Variants in STRA6 observed in about 807,000 individuals in gnomAD.
The protein encoded by STRA6 is receptor for retinol uptake STRA6.
STRA6 carries 48 observed loss-of-function variants against 83.6 expected under a neutral mutation model. The ratio of observed to expected loss-of-function variants is 0.57; its 90% CI spans 0.46 to 0.73. STRA6 has a LOEUF of 0.73. STRA6 is among the 30% of genes least tolerant of loss of function. STRA6 has a pLI of 0.00. For missense variants in STRA6, 760 were observed against 838.8 expected (o/e 0.91, Z 1.16); for synonymous variants, 353 against 362.3 (o/e 0.97, Z 0.29).
Position 74,195,623 on chromosome 15 carries a change from T to G in STRA6, c.430+29A>C, listed in dbSNP as rs191108350. 82 of 1,547,562 alleles carry G rather than the reference T, an allele frequency of 5.3e-5. No homozygotes were observed. In the African/African-American group the frequency reaches 9.4e-4, roughly 18 times the overall value. On this transcript the variant is annotated intron_variant, in intron 6 of 18. Transcript: ENST00000395105. The stretch of plus-strand genomic sequence containing the variant: ...AGGTTCAAATCCAGGCTCTGACTAG[T>G]CTCAACTCTGTGATCTTGGGCAAGT...
chr15:74,195,423 T>C lies in STRA6; in HGVS notation c.476A>G (p.Tyr159Cys), dbSNP rs771984983. 3.1e-6 allele frequency: 5 copies of C among 1,613,184 alleles called. 1 individual carries two copies. Reference protein sequence around the residue: ...LGLFYYAALYYPLAACATAGH... With the variant: ...LGLFYYAALYCPLAACATAGH... The stretch of plus-strand genomic sequence containing the variant: ...AGCCGTGGCACAGGCAGCCAGAGGG[T>C]AGTAGAGGGCAGCATAATAGAACAG... Residue 159 changes from tyrosine to cysteine, a missense_variant, in exon 7 of 19, where the codon TAC (tyrosine) becomes TGC (cysteine). Transcript: ENST00000395105.
At chr15:74,196,832 C>G (rs145703115) in intron 4 of STRA6, among the ~76,000 whole-genome samples, 11 of 152,368 alleles carry the variant, frequency 7.2e-5, no homozygotes, top group African/African-American at 2.6e-4. Context: ...GTCTCTCGCA[C>G]ACTAGCTTGC....
chr15:74,211,504 G>A (rs549371210), upstream of STRA6, among the ~76,000 whole-genome samples: 3 of 149,734 alleles, frequency 2.0e-5, no homozygotes, highest in East Asian at 4.1e-4. Context: ...GGGTTCAAGC[G>A]ATTCTCCTGC....
chr15:74,183,405 C>T (rs1595826094), intron 14 of STRA6: 3 of 618,268 alleles, frequency 4.9e-6, no homozygotes, highest in East Asian at 1.8e-4. Flanking sequence ...ACCACCATAC[C>T]CGGCTAATTT....
At chr15:74,204,526 C>T (rs2074212174), upstream of STRA6, among the ~76,000 whole-genome samples, 1 of 152,248 alleles carries the variant, frequency 6.6e-6, no homozygotes, top group Non-Finnish European at 1.5e-5. Flanking sequence ...GAGCAGCCAA[C>T]TCCCATCTGA....
At chr15:74,197,685 G>T in intron 3 of STRA6, 67 bp downstream of exon 3, 1 of 1,581,118 alleles carries the variant, frequency 6.3e-7, no homozygotes, top group South Asian at 1.1e-5. Context: ...CCCCAGTGGG[G>T]AACACAGGTC....
chr15:74,190,565 C>A (rs1449547530), intron 11 of STRA6, among the ~76,000 whole-genome samples: 1 of 152,158 alleles, frequency 6.6e-6, no homozygotes, highest in African/African-American at 2.4e-5. Context: ...GGTTATATAA[C>A]TTGCCCAAGG....
upstream of STRA6, chr15:74,209,578 C>T: frequency 4.1e-6 from 3 of 729,102 alleles, no homozygotes; most frequent in Non-Finnish European, 6.6e-6. Flanking sequence ...CCCCTCGGAG[C>T]TTTCTCTTCT....
Position 74,195,322 on chromosome 15 carries a change from C to A in STRA6, c.577G>T (p.Glu193Ter). 6.2e-7 allele frequency: 1 copy of A among 1,612,952 alleles called. No individual in the cohort carries two copies. Among genetic ancestry groups the A allele is most frequent in the Non-Finnish European group, 8.5e-7 (1 of 1,179,928 alleles). ...HLGVQVWQRA[E>*]CPQVPKIYKY... ...GTTACCTTGGGCACCTGGGGACACT[C>A]TGCCCTCTGCCAGACCTGGACCCCA... Residue 193 changes from glutamate (E) to a stop codon, truncating the protein, a stop_gained, in exon 7 of 19, where the codon GAG becomes TAG. Transcript: ENST00000395105. LOFTEE classifies it high-confidence loss of function.
In STRA6 at chr15:74,191,030, C is replaced by G. The variant is rs947946079; in HGVS notation, c.866-129G>C. 3.8e-6 allele frequency: 6 copies of G among 1,567,618 alleles called. No individual in the cohort carries two copies. In the African/African-American group the frequency reaches 8.2e-5, roughly 21 times the overall value. Reference sequence around the variant, plus strand: ...GACCAAGGCCAGGCCAGGGTCTTCCCGCTGTCCCAAGCTGGTAGTTGTCCC... The same window carrying G: ...GACCAAGGCCAGGCCAGGGTCTTCCGGCTGTCCCAAGCTGGTAGTTGTCCC... On this transcript the variant is annotated intron_variant, in intron 10 of 18. Transcript: ENST00000395105.
Position 74,202,701 on chromosome 15 carries a change from C to T in STRA6, c.-16+12G>A. On this transcript the variant is annotated intron_variant, in intron 1 of 18. Transcript: ENST00000395105. ...CTTTCCCAAGCCCACCTAGACAGAC[C>T]CACAGACACACCAGAAGGGAGGCCC... The T allele has an allele frequency of 7.6e-7, 1 of 1,318,628 alleles. No individual in the cohort carries two copies. Among genetic ancestry groups the T allele is most frequent in the Non-Finnish European group, 9.6e-7 (1 of 1,038,828 alleles). 81.7% of individuals were successfully genotyped at this position (1,318,628 alleles called of 1,614,324 possible).
upstream of STRA6, chr15:74,202,916 G>A: frequency 1.0e-6 from 1 of 989,858 alleles, no homozygotes; most frequent in Non-Finnish European, 1.2e-6. Context: ...CCTGGGGGAG[G>A]AGGCCCCAGC....
chr15:74,198,053 T>C (rs1341182657), intron 2 of STRA6, among the ~76,000 whole-genome samples: 1 of 151,792 alleles, frequency 6.6e-6, no homozygotes, highest in Non-Finnish European at 1.5e-5. Context: ...CTAAAGGACA[T>C]GGGAAGCTCC....
chr15:74,192,785 T>C (rs554985515), intron 8 of STRA6, among the ~76,000 whole-genome samples: 29 of 152,330 alleles, frequency 1.9e-4, no homozygotes, highest in African/African-American at 6.7e-4. Context: ...TCTTTCCCCT[T>C]TGAGGGTCTC....
chr15:74,198,178 C>A lies in STRA6; in HGVS notation c.114-360G>T, dbSNP rs1387723465. Among the ~76,000 whole-genome samples the A allele has an allele frequency of 2.6e-5, 4 of 152,016 alleles. No homozygotes were observed. In the East Asian group the frequency reaches 7.7e-4, roughly 29 times the overall value. ...CTGGAGTGCAGTGGCTCGATCTCGG[C>A]TTACTGCAGCCTCAGCCTCCTGGGC... On this transcript the variant is annotated intron_variant, in intron 2 of 18. Transcript: ENST00000395105.
At chr15:74,186,880 T>C (rs944189872) in intron 12 of STRA6, among the ~76,000 whole-genome samples, 1 of 152,216 alleles carries the variant, frequency 6.6e-6, no homozygotes, top group Non-Finnish European at 1.5e-5. Context: ...ACGGGAATGT[T>C]AAAGCCACCA....
Position 74,183,812 on chromosome 15 carries a change from G to C in STRA6, c.1300+44C>G, listed in dbSNP as rs562519912. On this transcript the variant is annotated intron_variant, in intron 14 of 18. Transcript: ENST00000395105. ...CCCAACTGAGGCCAGTGTCTGAGGGGAGGCCCAGGCCAAGGCTGGGTGTGG... is the reference window on the plus strand; with the variant it reads ...CCCAACTGAGGCCAGTGTCTGAGGGCAGGCCCAGGCCAAGGCTGGGTGTGG... 3 of 1,613,374 alleles carry C rather than the reference G, an allele frequency of 1.9e-6. No individual in the cohort carries two copies. In the African/African-American group the frequency reaches 4.0e-5, roughly 21 times the overall value.
chr15:74,195,325 C>A lies in STRA6; in HGVS notation c.574G>T (p.Ala192Ser). 6.2e-7 allele frequency: 1 copy of A among 1,613,026 alleles called. No homozygotes were observed. Among genetic ancestry groups the A allele is most frequent in the South Asian group, 1.1e-5 (1 of 90,976 alleles). The change falls in exon 7 of 19, where the codon GCA (alanine) becomes TCA (serine). Residue 192 changes from alanine (A) to serine (S), a missense_variant. Ala to Ser is a moderately conservative substitution (Grantham distance 99). Coordinates refer to ENST00000395105, the MANE Select transcript of STRA6 (RefSeq NM_022369.4). ...ACCTTGGGCACCTGGGGACACTCTGCCCTCTGCCAGACCTGGACCCCAAGG... is the reference window on the plus strand; with the variant it reads ...ACCTTGGGCACCTGGGGACACTCTGACCTCTGCCAGACCTGGACCCCAAGG... The part of the protein sequence containing the change: ...AHLGVQVWQR[A>S]ECPQVPKIYK...
Position 74,202,785 on chromosome 15 carries a change from C to A in STRA6, c.-88G>T. ...GCAGCCCACGGCCAGCTCCGCACTGCCTGCCTGGGCCCTCCCAGCTGGGCT... is the reference window on the plus strand; with the variant it reads ...GCAGCCCACGGCCAGCTCCGCACTGACTGCCTGGGCCCTCCCAGCTGGGCT... On this transcript the variant is annotated 5_prime_UTR_variant, in exon 1 of 19. Transcript: ENST00000395105. 1 of 1,139,852 alleles carries A rather than the reference C, an allele frequency of 8.8e-7. No individual in the cohort carries two copies. Among genetic ancestry groups the A allele is most frequent in the Non-Finnish European group, 1.1e-6 (1 of 929,592 alleles). 70.6% of individuals were successfully genotyped at this position (1,139,852 alleles called of 1,614,324 possible).
Sources: allele counts gnomAD v4.1 joint callset (sites outside exome capture counted in the v4.1 genomes callset), GRCh38; gene constraint gnomAD v4.1.1; transcripts MANE v1.5; gene names NCBI Gene and HGNC (gene_info 2026-07-23, HGNC 2026-07-21).